PAK3: variants seen among roughly 807,000 people sequenced by gnomAD.
PAK3 encodes serine/threonine-protein kinase PAK 3.
PAK3 carries 4 observed loss-of-function variants against 41.0 expected under a neutral mutation model. The observed-to-expected ratio is 0.10, with a 90% CI of 0.05 to 0.22. The LOEUF is 0.22. PAK3 is among the 10% of genes least tolerant of loss of function. The pLI, the probability that PAK3 is intolerant of heterozygous loss-of-function variation, is 1.00. For synonymous variants in PAK3, 146 were observed against 139.6 expected, an observed-to-expected ratio of 1.05 and a Z score of -0.32; for missense variants, 205 against 409.9, an observed-to-expected ratio of 0.50 and a Z score of 4.32.
At chrX:111,079,763 C>T (rs968373709) in intron 1 of PAK3, among the ~76,000 whole-genome samples, 1 of 112,233 alleles carries the variant, frequency 8.9e-6, no homozygotes, top group Non-Finnish European at 1.9e-5. Context: ...GGAAAATATT[C>T]ACCATTCTAG....
chrX:111,203,847 C>T (rs2094710509), intron 16 of PAK3, among the ~76,000 whole-genome samples: 1 of 111,565 alleles, frequency 9.0e-6, no homozygotes, highest in Non-Finnish European at 1.9e-5. Context: ...TCCTGAGTGC[C>T]AGAGAAGCAA....
intron 1 of PAK3, among the ~76,000 whole-genome samples, chrX:111,068,050 A>G (rs1438619890): frequency 9.0e-6 from 1 of 111,068 alleles, no homozygotes; most frequent in Non-Finnish European, 1.9e-5. Flanking sequence ...TCATTGAAAC[A>G]TATTAGTTTA....
At chrX:111,060,900 A>T (rs1352338113) in intron 1 of PAK3, among the ~76,000 whole-genome samples, 2 of 111,719 alleles carry the variant, frequency 1.8e-5, no homozygotes, top group African/African-American at 6.5e-5. Flanking sequence ...GATTTTTTTA[A>T]AAAAAATTAC....
At position 111,130,200 on chromosome X, in the gene PAK3, G is replaced by A. The variant is rs904102347; in HGVS notation, c.175+6922G>A. ...GTTTTTGAAGATGATACCACTGAAG[G>A]TGCTAGCTGTTTGCATGTGTGAGTG... On this transcript the variant is annotated intron_variant, in intron 5 of 17. Coordinates refer to ENST00000372007, the MANE Select transcript of PAK3 (RefSeq NM_002578.5). Among the ~76,000 whole-genome samples the A allele has an allele frequency of 2.7e-5, 3 of 111,655 alleles. No individual in the cohort carries two copies. In the East Asian group the frequency reaches 8.5e-4, roughly 32 times the overall value.
At chrX:111,125,354 G>A (rs974078160) in intron 5 of PAK3, among the ~76,000 whole-genome samples, 1 of 111,198 alleles carries the variant, frequency 9.0e-6, no homozygotes, top group African/African-American at 3.3e-5. Context: ...AATCATTGGC[G>A]GAAGTTGAAT....
intron 1 of PAK3, among the ~76,000 whole-genome samples, chrX:110,966,405 T>C (rs1261498153): frequency 9.1e-6 from 1 of 110,408 alleles, no homozygotes; most frequent in Non-Finnish European, 1.9e-5. Context: ...GATTCACTTA[T>C]TATGTGAAAG....
chrX:110,957,160 T>C (rs966337218), intron 1 of PAK3, among the ~76,000 whole-genome samples: 15 of 112,406 alleles, frequency 1.3e-4, no homozygotes, highest in African/African-American at 4.5e-4. Flanking sequence ...CTTCTATGAA[T>C]AACAATAAAT....
At chrX:111,108,878 A>C (rs1367213187) in intron 4 of PAK3, among the ~76,000 whole-genome samples, 2 of 112,298 alleles carry the variant, frequency 1.8e-5, no homozygotes, top group African/African-American at 6.5e-5. Flanking sequence ...TTCAGTGAGA[A>C]GCACTGAGAA....
chrX:111,128,990 T>C (rs1030246457), intron 5 of PAK3, among the ~76,000 whole-genome samples: 14 of 111,450 alleles, frequency 1.3e-4, no homozygotes, highest in Non-Finnish European at 2.3e-4. Flanking sequence ...AAGTACTATA[T>C]AGTTTTGTTA....
chrX:110,976,372 C>T lies in PAK3; in HGVS notation c.-28+31744C>T, dbSNP rs1229059683. Among the ~76,000 whole-genome samples, 3 of 112,400 alleles carry T rather than the reference C, an allele frequency of 2.7e-5. No individual in the cohort carries two copies. In the East Asian group the frequency reaches 8.3e-4, roughly 31 times the overall value. ...ACACATGAAAAAATGCTCATCATCA[C>T]TGGTCATCAGAGAAATGCAAATCAA... On this transcript the variant is annotated intron_variant, in intron 1 of 14. Transcript: ENST00000425146.
intron 7 of PAK3, among the ~76,000 whole-genome samples, chrX:111,149,567 T>A (rs772977568): frequency 8.9e-6 from 1 of 112,291 alleles, no homozygotes; most frequent in South Asian, 3.7e-4. Flanking sequence ...AATTCTTGAC[T>A]TCCGTGCACA....
At chrX:111,204,752 T>C (rs977901374) in intron 16 of PAK3, among the ~76,000 whole-genome samples, 2 of 110,987 alleles carry the variant, frequency 1.8e-5, no homozygotes, top group African/African-American at 3.3e-5. Flanking sequence ...ATTAAGGCAG[T>C]GTAAGAATTG....
chrX:111,026,545 C>G lies in PAK3; in HGVS notation c.-28+81917C>G, dbSNP rs187778323. On this transcript the variant is annotated intron_variant, in intron 1 of 14. Coordinates refer to the PAK3 transcript ENST00000425146. Reference sequence around the variant, plus strand: ...CTGAGATCAAATAAAGAACTCAACCCCCTTCCCAATAGCTGTAAAAATAAA... The same window carrying G: ...CTGAGATCAAATAAAGAACTCAACCGCCTTCCCAATAGCTGTAAAAATAAA... 1.3e-4 allele frequency among the ~76,000 whole-genome samples: 14 copies of G among 111,193 alleles called. No homozygotes were observed. In the East Asian group the frequency reaches 3.9e-3, roughly 31 times the overall value.
intron 1 of PAK3, among the ~76,000 whole-genome samples, chrX:110,974,942 G>A (rs10217850): frequency 0.11 from 12,003 of 111,377 alleles, 670 homozygotes; most frequent in Middle Eastern, 0.23. Context: ...AATAAACTAG[G>A]TATTGATGGA....
At chrX:111,212,368 A>G (rs2094830946) in intron 16 of PAK3, among the ~76,000 whole-genome samples, 1 of 111,787 alleles carries the variant, frequency 8.9e-6, no homozygotes, top group Admixed American at 9.5e-5. Flanking sequence ...TTTGTCTCTC[A>G]TTAGCTGGGT....
intron 11 of PAK3, among the ~76,000 whole-genome samples, chrX:111,184,870 G>A (rs1156390463): frequency 1.8e-5 from 2 of 111,469 alleles, no homozygotes; most frequent in Non-Finnish European, 3.8e-5. Context: ...ACATGTACAC[G>A]TGTCTTTATA....
chrX:111,033,607 C>A (rs1484276513), intron 1 of PAK3, among the ~76,000 whole-genome samples: 1 of 112,117 alleles, frequency 8.9e-6, no homozygotes, highest in African/African-American at 3.2e-5. Flanking sequence ...GCTAAGCTAG[C>A]CAGCTATATA....
At chrX:111,151,863 G>A (rs1003064773) in intron 7 of PAK3, among the ~76,000 whole-genome samples, 12 of 111,923 alleles carry the variant, frequency 1.1e-4, no homozygotes, top group East Asian at 5.6e-4. Flanking sequence ...AACCAAACTG[G>A]CTATTAAGTG....
At chrX:111,140,649 T>C (rs1162095332) in intron 5 of PAK3, among the ~76,000 whole-genome samples, 3 of 111,745 alleles carry the variant, frequency 2.7e-5, no homozygotes, top group Non-Finnish European at 5.6e-5. Flanking sequence ...ATGGCATATA[T>C]GTATTTTTTC....
Sources: allele counts gnomAD v4.1 joint callset (sites outside exome capture counted in the v4.1 genomes callset), GRCh38; gene constraint gnomAD v4.1.1; transcripts MANE v1.5; gene names NCBI Gene and HGNC (gene_info 2026-07-23, HGNC 2026-07-21).